BMP6: variants seen among roughly 807,000 people sequenced by gnomAD.
The protein encoded by BMP6 is VG-1-R.
A neutral mutation model predicts 54.1 loss-of-function variants in BMP6; 17 were observed. The ratio of observed to expected loss-of-function variants is 0.31; its 90% CI spans 0.22 to 0.47. The LOEUF (loss-of-function observed/expected upper bound fraction) is 0.47, where lower values mean the gene tolerates loss of function less well. Ranked by LOEUF, BMP6 falls within the 20% of genes least tolerant of loss-of-function variation. The pLI is 1.00. For missense variants in BMP6, 720 were observed against 690.4 expected (o/e 1.04, Z -0.48); for synonymous variants, 328 against 291.2 (o/e 1.13, Z -1.28).
Position 7,861,503 on chromosome 6 carries a change from G to A in BMP6, c.910G>A (p.Gly304Ser), listed in dbSNP as rs1330272092. 3 of 1,614,180 alleles carry A rather than the reference G, an allele frequency of 1.9e-6. No individual in the cohort carries two copies. The highest frequency in any genetic ancestry group is 4.5e-5 in the East Asian group (2 of 44,892). ...CCGTGTAGTATGGGCCTCAGAAGAA[G>A]GCTGGCTGGAATTTGACATCACGGC... is the stretch of plus-strand genomic sequence containing the variant. ...DTRVVWASEE[G>S]WLEFDITATS... Residue 304 changes from glycine to serine, a missense_variant, in exon 3 of 7, where the codon GGC becomes AGC. Coordinates refer to ENST00000283147, the MANE Select transcript of BMP6 (RefSeq NM_001718.6).
At chr6:7,781,335 C>CATCAGAGGGGGATTGTT (rs1457748881) in intron 1 of BMP6, among the ~76,000 whole-genome samples, 3 of 151,700 alleles carry the variant, frequency 2.0e-5, no homozygotes, top group Non-Finnish European at 3.0e-5. Context: ...CTCGTTCATA[C>CATCAGAGGGGGATTGTT]GTACCATGCC....
chr6:7,866,746 G>A (rs1203481037), intron 4 of BMP6, among the ~76,000 whole-genome samples: 1 of 152,202 alleles, frequency 6.6e-6, no homozygotes, highest in Non-Finnish European at 1.5e-5. Flanking sequence ...GTCTCTTTCA[G>A]TCTTGATGTT....
chr6:7,828,498 G>A (rs1758736050), intron 1 of BMP6, among the ~76,000 whole-genome samples: 1 of 152,200 alleles, frequency 6.6e-6, no homozygotes, highest in African/African-American at 2.4e-5. Context: ...TCACATGGTG[G>A]TTTAGAACTG....
At chr6:7,820,476 C>T (rs184637202) in intron 1 of BMP6, among the ~76,000 whole-genome samples, 237 of 152,298 alleles carry the variant, frequency 1.6e-3, no homozygotes, top group Non-Finnish European at 5.0e-4. Context: ...TTTTGCTTCA[C>T]GTGACCCCTT....
intron 1 of BMP6, among the ~76,000 whole-genome samples, chr6:7,787,344 G>A (rs1758034844): frequency 6.6e-6 from 1 of 152,204 alleles, no homozygotes; most frequent in Admixed American, 6.5e-5. Flanking sequence ...CAGTTATCAA[G>A]TATTTAGGGA....
intron 1 of BMP6, among the ~76,000 whole-genome samples, chr6:7,828,032 T>C (rs930304197): frequency 6.6e-6 from 1 of 152,222 alleles, no homozygotes; most frequent in Non-Finnish European, 1.5e-5. Context: ...TCCCACTCTT[T>C]TTTAAGTTTC....
At position 7,880,056 on chromosome 6, in the gene BMP6, C is replaced by G. The variant is rs749708761; in HGVS notation, c.1347C>G (p.Leu449=). ...NYCDGECSFP[L]NAHMNATNHA... is the part of the protein sequence containing the mutation. ...GTGATGGAGAATGCTCCTTCCCACT[C>G]AACGCACACATGAATGCAACCAACC... Residue 449 remains leucine (L), a synonymous_variant, in exon 6 of 7, where the codon CTC becomes CTG. Transcript: ENST00000283147. The G allele has an allele frequency of 1.1e-5, 17 of 1,614,088 alleles. No individual in the cohort carries two copies. The highest frequency in any genetic ancestry group is 1.4e-5 in the Non-Finnish European group (16 of 1,180,038).
intron 4 of BMP6, among the ~76,000 whole-genome samples, chr6:7,877,419 C>T (rs1405490251): frequency 5.3e-5 from 8 of 152,052 alleles, no homozygotes; most frequent in Middle Eastern, 6.8e-3. Context: ...GTCAGTAGTT[C>T]GAGACCAGCC....
intron 1 of BMP6, among the ~76,000 whole-genome samples, chr6:7,784,872 G>T (rs936504461): frequency 4.6e-5 from 7 of 152,150 alleles, no homozygotes; most frequent in Non-Finnish European, 7.3e-5. Flanking sequence ...CTCCTTGCTG[G>T]GGCTGCAGAG....
In BMP6 at chr6:7,727,045, C is replaced by T. The variant is rs1761739018; in HGVS notation, c.90C>T (p.Pro30=). ...GCGGGCCCCCGCCGCTGCGGCCGCC[C>T]TTGCCCGCTGCCGCGGCCGCCGCCG... The part of the protein sequence containing the change: ...SCCGPPPLRP[P]LPAAAAAAAG... Residue 30 remains proline (P), a synonymous_variant, in exon 1 of 7, where the codon CCC becomes CCT. Transcript: ENST00000283147. The T allele has an allele frequency of 1.7e-6, 2 of 1,165,680 alleles. No homozygotes were observed. Among genetic ancestry groups the T allele is most frequent in the Non-Finnish European group, 1.1e-6 (1 of 948,552 alleles). The allele number at this position is 1,165,680 out of a possible 1,614,324, so 72.2% of individuals were successfully genotyped here. A position where few individuals can be genotyped will look rare whatever the true frequency, so the allele number is the denominator to read the frequency against.
intron 1 of BMP6, among the ~76,000 whole-genome samples, chr6:7,774,172 G>C (rs1354885732): frequency 6.6e-6 from 1 of 152,212 alleles, no homozygotes; most frequent in East Asian, 1.9e-4. Context: ...ATCCACGGCA[G>C]GGTTTGGGTG....
chr6:7,800,722 C>T (rs1272101717), intron 1 of BMP6, among the ~76,000 whole-genome samples: 1 of 152,086 alleles, frequency 6.6e-6, no homozygotes, highest in Non-Finnish European at 1.5e-5. Flanking sequence ...TTTCCATATG[C>T]AGGAGCATGA....
intron 1 of BMP6, among the ~76,000 whole-genome samples, chr6:7,730,198 G>A (rs777231104): frequency 2.0e-4 from 30 of 152,176 alleles, no homozygotes; most frequent in Non-Finnish European, 3.4e-4. Context: ...GGGACACACT[G>A]CCTCTGAGTC....
At chr6:7,853,030 CG>C (rs1490133199) in intron 2 of BMP6, among the ~76,000 whole-genome samples, 1 of 152,138 alleles carries the variant, frequency 6.6e-6, no homozygotes, top group African/African-American at 2.4e-5. Flanking sequence ...AGCTCTAGGC[CG>C]CTACCAATTG....
intron 1 of BMP6, among the ~76,000 whole-genome samples, chr6:7,799,757 A>T (rs9505285): frequency 0.013 from 1,981 of 149,966 alleles, 50 homozygotes; most frequent in African/African-American, 0.046. Context: ...AAAAAAAAAG[A>T]TAATGTCTCT....
At chr6:7,865,483 G>A (rs949204112) in intron 4 of BMP6, among the ~76,000 whole-genome samples, 8 of 152,114 alleles carry the variant, frequency 5.3e-5, no homozygotes, top group Admixed American at 3.9e-4. Context: ...CCACTGAAGC[G>A]CTTCTTTATA....
In BMP6 at chr6:7,812,666, T is replaced by C. The variant is rs568210901; in HGVS notation, c.665-32474T>C. 2.0e-5 allele frequency among the ~76,000 whole-genome samples: 3 copies of C among 152,292 alleles called. No homozygotes were observed. The South Asian group carries it at 6.2e-4, about 32-fold the overall frequency. On this transcript the variant is annotated intron_variant, in intron 1 of 6. Transcript: ENST00000283147. ...TAAATATGGCAAAGACCTATTCTTA[T>C]ATAAAAAGCCCATATAAATCAAGAA...
At chr6:7,862,234 AACT>A in intron 3 of BMP6, 64 bp from the exon 4 acceptor site, 1 of 1,543,796 alleles carries the variant, frequency 6.5e-7, no homozygotes, top group South Asian at 1.1e-5. Flanking sequence ...AGTATCCCTT[AACT>A]GTTGTAGCTA....
chr6:7,872,829 T>TC (rs1759551364), intron 4 of BMP6, among the ~76,000 whole-genome samples: 1 of 151,372 alleles, frequency 6.6e-6, no homozygotes, highest in Non-Finnish European at 1.5e-5. Context: ...TTTTTTTTTT[T>TC]TGAGACAGGG....
Sources: allele counts gnomAD v4.1 joint callset (sites outside exome capture counted in the v4.1 genomes callset), GRCh38; gene constraint gnomAD v4.1.1; transcripts MANE v1.5; gene names NCBI Gene and HGNC (gene_info 2026-07-23, HGNC 2026-07-21).